The following ABCB9 variants were observed in gnomAD, a reference collection of about 807,000 sequenced individuals.
ABCB9 encodes ATP binding cassette subfamily B member 9, also known as ABC-type oligopeptide transporter ABCB9.
Under a neutral mutation model 62.0 loss-of-function variants are expected in ABCB9, and 36 were observed. The ratio of observed to expected loss-of-function variants is 0.58; its 90% CI spans 0.45 to 0.77. ABCB9 has a LOEUF of 0.77. Ranked by LOEUF, ABCB9 falls within the 30% of genes least tolerant of loss-of-function variation. The probability of loss-of-function intolerance (pLI) is 0.00; values close to 1 mark genes in which losing one functional copy is unlikely to be tolerated. For synonymous variants in ABCB9, 435 were observed against 461.4 expected (o/e 0.94, Z 0.73); for missense variants, 943 against 1,054.7 (o/e 0.89, Z 1.47).
rs568115855 is a variant in ABCB9, at chr12:122,932,614, G to A, written c.1904-286C>T. Among the ~76,000 whole-genome samples, 16 of 152,328 alleles carry A rather than the reference G, an allele frequency of 1.1e-4. No individual in the cohort carries two copies. The highest frequency in any genetic ancestry group is 2.6e-4 in the Admixed American group (4 of 15,306). On this transcript the variant is annotated intron_variant, in intron 10 of 11. Transcript: ENST00000280560. The surrounding 1 kb of genome is among the most constrained non-coding windows in gnomAD (Gnocchi z 4.7). ...GCTGCAGGGAGACAGGCCCTCACCC[G>A]TCCTCCTGGAGAAGGGGAGTTGGAG...
In ABCB9 at chr12:122,929,712, G is replaced by A; in HGVS notation, c.*199C>T. ...GAGGTCCGTGAAGGCGTTGGCTCAG[G>A]GCAGCAGGGGTAAGGAGTGCCCTGG... is the stretch of plus-strand genomic sequence containing the variant. On this transcript the variant is annotated 3_prime_UTR_variant, in exon 12 of 12. Coordinates refer to ENST00000280560, the MANE Select transcript of ABCB9 (RefSeq NM_019625.4). The surrounding 1 kb of genome is among the most constrained non-coding windows in gnomAD (Gnocchi z 6.0). The A allele has an allele frequency of 7.4e-7, 1 of 1,343,770 alleles. No homozygotes were observed. Among genetic ancestry groups the A allele is most frequent in the Non-Finnish European group, 9.6e-7 (1 of 1,044,792 alleles). 83.2% of individuals were successfully genotyped at this position (1,343,770 alleles called of 1,614,324 possible).
chr12:122,965,875 G>T (rs2037145810), intron 1 of ABCB9, among the ~76,000 whole-genome samples: 2 of 152,234 alleles, frequency 1.3e-5, no homozygotes, highest in Non-Finnish European at 2.9e-5. Flanking sequence ...AGGTCAGCAG[G>T]AACAGGCCAG....
chr12:122,975,077 A>G (rs1033972570), exon 1 of ABCB9: 81 of 484,866 alleles, frequency 1.7e-4, no homozygotes, highest in East Asian at 2.5e-4. Context: ...GCCGGTCCCA[A>G]CCCGGCCCAG....
At chr12:122,969,625 T>C (rs527245774), upstream of ABCB9, among the ~76,000 whole-genome samples, 2 of 151,788 alleles carry the variant, frequency 1.3e-5, no homozygotes, top group South Asian at 4.1e-4. Context: ...TAGTCCCAGC[T>C]ACTCAGGAGG....
intron 9 of ABCB9, 130 bp from the exon 10 acceptor site, chr12:122,935,561 C>T: frequency 9.8e-7 from 1 of 1,023,476 alleles, no homozygotes; most frequent in Non-Finnish European, 1.4e-6. Context: ...GGCCCAGTGA[C>T]TGCACTGAGC....
At chr12:122,953,594 G>T (rs1394194443) in intron 2 of ABCB9, among the ~76,000 whole-genome samples, 1 of 152,046 alleles carries the variant, frequency 6.6e-6, no homozygotes, top group African/African-American at 2.4e-5. Context: ...CACCATGTTG[G>T]CCTGGCTGAT....
Position 122,947,662 on chromosome 12 carries a change from A to G in ABCB9, c.1053+962T>C. The G allele has an allele frequency of 3.4e-6, 1 of 292,542 alleles. No homozygotes were observed. The highest frequency in any genetic ancestry group is 7.2e-6 in the Non-Finnish European group (1 of 139,536). The allele number at this position is 292,542 out of a possible 1,614,324, so 18.1% of individuals were successfully genotyped here. A position where few individuals can be genotyped will look rare whatever the true frequency, so the allele number is the denominator to read the frequency against. The stretch of plus-strand genomic sequence containing the variant: ...CCATTCAGGAAGCAGGAGGAGGGTG[A>G]GGTCAAACCTGGCTCACGGCCCTAG... On this transcript the variant is annotated intron_variant, in intron 5 of 11. Coordinates refer to ENST00000280560, the MANE Select transcript of ABCB9 (RefSeq NM_019625.4). The surrounding 1 kb of genome is among the most constrained non-coding windows in gnomAD (Gnocchi z 6.0).
rs2035094865 is a variant in ABCB9, at chr12:122,930,433, T to TTTTTTTTTTTG, written c.2041-263_2041-262insCAAAAAAAAAA. On this transcript the variant is annotated intron_variant, in intron 11 of 11. Transcript: ENST00000280560. This position sits in a 1 kb window ranked among gnomAD's most constrained non-coding sequence, Gnocchi z 4.9. ...CCTCCTTTTTTTTTTTTTTTTTTTTTAAGTCTTGCTGTCACCCAGGCTGGA... is the reference window on the plus strand; with the variant it reads ...CCTCCTTTTTTTTTTTTTTTTTTTTTTTTTTTTTTTGAAGTCTTGCTGTCACCCAGGCTGGA... 6.9e-6 allele frequency among the ~76,000 whole-genome samples: 1 copy of TTTTTTTTTTTG among 145,090 alleles called. No individual in the cohort carries two copies.
intron 1 of ABCB9, among the ~76,000 whole-genome samples, chr12:122,962,892 C>A (rs2036979798): frequency 6.6e-6 from 1 of 152,156 alleles, no homozygotes; most frequent in African/African-American, 2.4e-5. Flanking sequence ...AGAATTTGCC[C>A]AAGATTACAC....
intron 6 of ABCB9, among the ~76,000 whole-genome samples, chr12:122,945,628 A>C (rs1234014924): frequency 6.6e-6 from 1 of 152,192 alleles, no homozygotes; most frequent in Admixed American, 6.5e-5. Flanking sequence ...CTGTAATCCC[A>C]GCACTTTGGG....
intron 9 of ABCB9, among the ~76,000 whole-genome samples, chr12:122,935,970 C>T (rs1170954099): frequency 2.0e-5 from 3 of 152,186 alleles, no homozygotes; most frequent in South Asian, 4.1e-4. Context: ...CTTAGGGAGG[C>T]AGAGGCAGGA....
At chr12:122,953,480 T>C (rs1240707595) in intron 2 of ABCB9, among the ~76,000 whole-genome samples, 3 of 152,196 alleles carry the variant, frequency 2.0e-5, no homozygotes, top group African/African-American at 7.2e-5. Flanking sequence ...CTCTGCCACC[T>C]GGGTTCAAGT....
At chr12:122,967,762 TAG>T (rs1217968567), upstream of ABCB9, among the ~76,000 whole-genome samples, 25 of 152,354 alleles carry the variant, frequency 1.6e-4, no homozygotes, top group Admixed American at 1.6e-3. Flanking sequence ...CTGCTGGGAT[TAG>T]AGTCGTGAGC....
In ABCB9 at chr12:122,930,460, T is replaced by G. The variant is rs1254531200; in HGVS notation, c.2041-289A>C. Among the ~76,000 whole-genome samples the G allele has an allele frequency of 1.4e-5, 2 of 143,708 alleles. No individual in the cohort carries two copies. The highest frequency in any genetic ancestry group is 5.3e-5 in the African/African-American group (2 of 37,978). The allele number at this position is 143,708 out of a possible 152,430, so 94.3% of individuals were successfully genotyped here. On this transcript the variant is annotated intron_variant, in intron 11 of 11. Transcript: ENST00000280560. The surrounding 1 kb of genome is among the most constrained non-coding windows in gnomAD (Gnocchi z 4.9). Reference sequence around the variant, plus strand: ...AGTCTTGCTGTCACCCAGGCTGGAGTGCGGTGGTGCGATCTCAGCTCACTG... The same window carrying G: ...AGTCTTGCTGTCACCCAGGCTGGAGGGCGGTGGTGCGATCTCAGCTCACTG...
chr12:122,929,183 G>A lies in ABCB9; in HGVS notation c.*728C>T, dbSNP rs1185356940. ...GTGTGGGGAGGGAGGCTGCCAGCCA[G>A]GGGTGGGTGGACGAGGGGCGAAAGC... is the stretch of plus-strand genomic sequence containing the variant. On this transcript the variant is annotated 3_prime_UTR_variant, in exon 12 of 12. Coordinates refer to ENST00000280560, the MANE Select transcript of ABCB9 (RefSeq NM_019625.4). The surrounding 1 kb of genome is among the most constrained non-coding windows in gnomAD (Gnocchi z 6.0). 13 of 986,086 alleles carry A rather than the reference G, an allele frequency of 1.3e-5. No individual in the cohort carries two copies. The highest frequency in any genetic ancestry group is 1.6e-5 in the Non-Finnish European group (13 of 830,240). 61.1% of individuals were successfully genotyped at this position (986,086 alleles called of 1,614,324 possible).
Position 122,929,745 on chromosome 12 carries a change from G to C in ABCB9, c.*166C>G, listed in dbSNP as rs1462565030. ...GGGTAAGGAGTGCCCTGGGAATGGG[G>C]CAGGGACCAGGGGCAAGATGCAGGA... is the stretch of plus-strand genomic sequence containing the variant. On this transcript the variant is annotated 3_prime_UTR_variant, in exon 12 of 12. Coordinates refer to ENST00000280560, the MANE Select transcript of ABCB9 (RefSeq NM_019625.4). This position sits in a 1 kb window ranked among gnomAD's most constrained non-coding sequence, Gnocchi z 6.0. The C allele has an allele frequency of 1.8e-5, 25 of 1,402,746 alleles. No homozygotes were observed. Among genetic ancestry groups the C allele is most frequent in the Non-Finnish European group, 2.2e-5 (24 of 1,078,846 alleles). 86.9% of individuals were successfully genotyped at this position (1,402,746 alleles called of 1,614,324 possible).
chr12:122,932,896 T>G lies in ABCB9; in HGVS notation c.1904-568A>C, dbSNP rs921817795. ...TCAATAGGAAATTGAGTCAATCAATTATTATTATTTTAGAGACAGGGTCTC... is the reference window on the plus strand; with the variant it reads ...TCAATAGGAAATTGAGTCAATCAATGATTATTATTTTAGAGACAGGGTCTC... On this transcript the variant is annotated intron_variant, in intron 10 of 11. Transcript: ENST00000280560. This position sits in a 1 kb window ranked among gnomAD's most constrained non-coding sequence, Gnocchi z 4.7. 2.0e-5 allele frequency among the ~76,000 whole-genome samples: 3 copies of G among 152,092 alleles called. No homozygotes were observed. The highest frequency in any genetic ancestry group is 7.2e-5 in the African/African-American group (3 of 41,408).
At chr12:122,942,362 C>T (rs559602038) in intron 7 of ABCB9, among the ~76,000 whole-genome samples, 8 of 151,980 alleles carry the variant, frequency 5.3e-5, no homozygotes, top group Admixed American at 3.3e-4. Context: ...CGGAGGCAGG[C>T]GGATCATTTG....
At chr12:122,936,449 T>C (rs1200553620) in intron 9 of ABCB9, among the ~76,000 whole-genome samples, 1 of 152,196 alleles carries the variant, frequency 6.6e-6, no homozygotes, top group Non-Finnish European at 1.5e-5. Flanking sequence ...TTGTTTTATG[T>C]TTATAGAAAT....
Sources: allele counts gnomAD v4.1 joint callset (sites outside exome capture counted in the v4.1 genomes callset), GRCh38; gene constraint gnomAD v4.1.1; non-coding constraint Gnocchi (gnomAD v3.1); transcripts MANE v1.5; gene names NCBI Gene and HGNC (gene_info 2026-07-23, HGNC 2026-07-21).